Variants in CEP162 observed in about 807,000 individuals in gnomAD.
CEP162 encodes centrosomal protein 162.
A neutral mutation model predicts 169.2 loss-of-function variants in CEP162; 141 were observed. The observed-to-expected ratio is 0.83, with a 90% CI of 0.73 to 0.96. The LOEUF is 0.96. CEP162 is among the 40% of genes least tolerant of loss of function. CEP162 has a pLI of 0.00. For missense variants in CEP162, 1,600 were observed against 1,587.2 expected, an observed-to-expected ratio of 1.01 and a Z score of -0.14; for synonymous variants, 540 against 526.4, an observed-to-expected ratio of 1.03 and a Z score of -0.35.
rs542708205 is a variant in CEP162, at chr6:84,149,163, G to A, written c.3771+399C>T. On this transcript the variant is annotated intron_variant, in intron 24 of 26. Coordinates refer to ENST00000403245, the MANE Select transcript of CEP162 (RefSeq NM_014895.4). ...TTGTTAATAAAAGGTCATGGGGCAG[G>A]AAGAATGCCTAAGGATAACTGTCAG... 2.6e-5 allele frequency among the ~76,000 whole-genome samples: 4 copies of A among 152,136 alleles called. No homozygotes were observed. The South Asian group carries it at 8.3e-4, about 32-fold the overall frequency.
At chr6:84,169,271 G>A (rs2099529030) in intron 18 of CEP162, 57 bp downstream of exon 18, 1 of 910,864 alleles carries the variant, frequency 1.1e-6, no homozygotes, top group African/African-American at 1.7e-5. Flanking sequence ...GTATAAAAAT[G>A]GGGATTTTTA....
chr6:84,199,558 C>A (rs1442324668), intron 9 of CEP162, among the ~76,000 whole-genome samples: 20 of 134,196 alleles, frequency 1.5e-4, no homozygotes, highest in South Asian at 2.4e-4. Context: ...AAGTAAAAAG[C>A]AAAAAAAAAA....
Position 84,219,362 on chromosome 6 carries a change from T to G in CEP162, c.172+1695A>C, listed in dbSNP as rs1334417956. 8.2e-6 allele frequency: 3 copies of G among 366,000 alleles called. No homozygotes were observed. In the East Asian group the frequency reaches 2.4e-4, roughly 29 times the overall value. The allele number at this position is 366,000 out of a possible 1,614,324, so 22.7% of individuals were successfully genotyped here. Reference sequence around the variant, plus strand: ...TATCCTTCTTTACTTCTTTTACTAATCAAATCTATTTCTGATACATTTAAA... The same window carrying G: ...TATCCTTCTTTACTTCTTTTACTAAGCAAATCTATTTCTGATACATTTAAA... On this transcript the variant is annotated intron_variant, in intron 3 of 26. Coordinates refer to ENST00000403245, the MANE Select transcript of CEP162 (RefSeq NM_014895.4).
At chr6:84,202,090 T>C (rs2099544753) in intron 7 of CEP162, among the ~76,000 whole-genome samples, 1 of 152,258 alleles carries the variant, frequency 6.6e-6, no homozygotes, top group African/African-American at 2.4e-5. Flanking sequence ...TTTTTTTGAA[T>C]GTCAAGATAA....
intron 21 of CEP162, among the ~76,000 whole-genome samples, chr6:84,157,589 T>G (rs1370299445): frequency 2.0e-5 from 3 of 152,014 alleles, no homozygotes; most frequent in East Asian, 3.9e-4. Context: ...GTGGGAGAAC[T>G]GCTTGGACCC....
chr6:84,136,625 C>T (rs1041254398), intron 25 of CEP162, among the ~76,000 whole-genome samples: 1 of 152,226 alleles, frequency 6.6e-6, no homozygotes, highest in East Asian at 1.9e-4. Flanking sequence ...TTAGAATGTT[C>T]CTTGACAGCA....
At chr6:84,174,333 A>T in intron 15 of CEP162, 145 bp from the exon 16 acceptor site, 1 of 725,830 alleles carries the variant, frequency 1.4e-6, no homozygotes, top group Non-Finnish European at 2.2e-6. Context: ...TAGTTAAATC[A>T]GCAAAGTGCT....
intron 9 of CEP162, among the ~76,000 whole-genome samples, chr6:84,197,111 T>C (rs2099542477): frequency 6.6e-6 from 1 of 152,148 alleles, no homozygotes. Flanking sequence ...ACTTCTATGG[T>C]AAAGACCATA....
At position 84,186,536 on chromosome 6, in the gene CEP162, T is replaced by C. The variant is rs1248869669; in HGVS notation, c.1197A>G (p.Ser399=). Residue 399 remains serine (S), a synonymous_variant, in exon 12 of 27, where the codon TCA becomes TCG. Transcript: ENST00000403245. The stretch of plus-strand genomic sequence containing the variant: ...TGTCAAAAAAAAGGTTCACATGTTG[T>C]GAGTCTTGAGACAAAATATTTGGGT... ...KMNPNILSQD[S]QHVNLFFDKN... is the part of the protein sequence containing the mutation. 5.6e-6 allele frequency: 9 copies of C among 1,613,006 alleles called. No homozygotes were observed. The highest frequency in any genetic ancestry group is 3.3e-5 in the Admixed American group (2 of 60,018).
At chr6:84,155,605 G>A in intron 21 of CEP162, 95 bp from the exon 22 acceptor site, 1 of 804,484 alleles carries the variant, frequency 1.2e-6, no homozygotes, top group Non-Finnish European at 2.0e-6. Flanking sequence ...TCTGTATACA[G>A]TAGCATTTCT....
intron 11 of CEP162, among the ~76,000 whole-genome samples, chr6:84,191,451 C>T (rs1277951431): frequency 6.6e-6 from 1 of 152,156 alleles, no homozygotes; most frequent in Non-Finnish European, 1.5e-5. Context: ...AAGTTCTTTC[C>T]AGTGGTTCTC....
intron 9 of CEP162, among the ~76,000 whole-genome samples, chr6:84,197,632 G>A (rs145755344): frequency 0.056 from 8,504 of 151,946 alleles, 313 homozygotes; most frequent in Middle Eastern, 0.14. Context: ...GGCCAACATG[G>A]TGAAACCTCG....
intron 25 of CEP162, among the ~76,000 whole-genome samples, chr6:84,140,492 G>A (rs567856149): frequency 9.8e-4 from 149 of 152,034 alleles, no homozygotes; most frequent in Non-Finnish European, 1.3e-3. Context: ...GGAAGCCTCC[G>A]GCAACCATGG....
chr6:84,163,206 A>C lies in CEP162; in HGVS notation c.2450T>G (p.Val817Gly), dbSNP rs763203038. 6 of 1,612,286 alleles carry C rather than the reference A, an allele frequency of 3.7e-6. No homozygotes were observed. In the Admixed American group the frequency reaches 1.0e-4, roughly 27 times the overall value. Residue 817 changes from valine to glycine, a missense_variant, in exon 19 of 27, where the codon GTA becomes GGA. By Grantham distance (109) the Val-to-Gly change is moderately radical (BLOSUM62 -3). Coordinates refer to ENST00000403245, the MANE Select transcript of CEP162 (RefSeq NM_014895.4). The part of the protein sequence containing the change: ...RLKQDKQALE[V>G]DFEKMKKERD... ...CTCTTTCTTCATTTTTTCGAAGTCT[A>C]CTTCAAGAGCTTGTTTGTCTTGTTT...
chr6:84,145,422 G>C (rs763308071), intron 25 of CEP162, among the ~76,000 whole-genome samples: 4 of 152,114 alleles, frequency 2.6e-5, no homozygotes, highest in Non-Finnish European at 5.9e-5. Context: ...ACCAAGCCAA[G>C]TTTAATGAGA....
At chr6:84,194,152 C>T (rs1341490959) in intron 10 of CEP162, among the ~76,000 whole-genome samples, 3 of 151,934 alleles carry the variant, frequency 2.0e-5, no homozygotes, top group Non-Finnish European at 4.4e-5. Context: ...GTCAGGAGTT[C>T]GAGAGCAGCC....
chr6:84,133,662 G>C (rs1187718535), intron 25 of CEP162, among the ~76,000 whole-genome samples: 1 of 152,220 alleles, frequency 6.6e-6, no homozygotes, highest in Non-Finnish European at 1.5e-5. Flanking sequence ...GACCCTCTGA[G>C]CCATGCGCGG....
At chr6:84,157,854 C>A (rs997831787) in intron 21 of CEP162, among the ~76,000 whole-genome samples, 1 of 152,136 alleles carries the variant, frequency 6.6e-6, no homozygotes, top group Non-Finnish European at 1.5e-5. Context: ...TTCCTAAGCA[C>A]CTGACTCTGC....
intron 10 of CEP162, among the ~76,000 whole-genome samples, chr6:84,194,179 AC>A (rs2099541080): frequency 6.6e-6 from 1 of 152,052 alleles, no homozygotes; most frequent in East Asian, 2.0e-4. Context: ...ACATGCCAAA[AC>A]CCCATCTCTA....
Sources: gnomAD v4.1 joint callset for allele counts (sites outside exome capture counted in the v4.1 genomes callset) on GRCh38, gnomAD v4.1.1 for gene constraint, MANE v1.5 for transcripts, NCBI Gene and HGNC (gene_info 2026-07-23, HGNC 2026-07-21) for gene names.